Variants in MRPS27 observed in about 807,000 individuals in gnomAD.
MRPS27 encodes small ribosomal subunit protein mS27.
A neutral mutation model predicts 48.9 loss-of-function variants in MRPS27; 43 were observed. The ratio of observed to expected loss-of-function variants is 0.88; its 90% CI spans 0.69 to 1.13. The LOEUF (loss-of-function observed/expected upper bound fraction) is 1.13. Among genes scored for constraint, MRPS27 ranks in the 50% most tolerant of loss-of-function variants. MRPS27 has a pLI of 0.00. For synonymous variants in MRPS27, 188 were observed against 171.9 expected (o/e 1.09, Z -0.73); for missense variants, 467 against 476.3 (o/e 0.98, Z 0.18).
chr5:72,242,665 TACACACACACACACACACACACAC>T lies in MRPS27; in HGVS notation c.282-4561_282-4538del, dbSNP rs57589095. On this transcript the variant is annotated intron_variant, in intron 4 of 10. Transcript: ENST00000261413. ...CTAGGCAACACAGCGAGACCCCGTC[TACACACACACACACACACACACAC>T]ACACACACACACACACACTCACGGC... 6.7e-5 allele frequency among the ~76,000 whole-genome samples: 9 copies of T among 134,202 alleles called. No individual in the cohort carries two copies. In the South Asian group the frequency reaches 1.6e-3, roughly 24 times the overall value. 88.0% of individuals were successfully genotyped at this position (134,202 alleles called of 152,430 possible). A position where few individuals can be genotyped will look rare whatever the true frequency, so the allele number is the denominator to read the frequency against.
chr5:72,264,619 A>G lies in MRPS27; in HGVS notation c.282-26491T>C, dbSNP rs922879340. 5.3e-5 allele frequency among the ~76,000 whole-genome samples: 8 copies of G among 152,350 alleles called. No individual in the cohort carries two copies. The East Asian group carries it at 1.5e-3, about 29-fold the overall frequency. ...ACATCCTTAGAGGAAGAGAAGAGGC[A>G]CACACATGTGCACACAGAGGGAGAG... On this transcript the variant is annotated intron_variant, in intron 4 of 10. Coordinates refer to ENST00000261413, the MANE Select transcript of MRPS27 (RefSeq NM_015084.3).
chr5:72,237,553 A>C (rs886881722), intron 5 of MRPS27, among the ~76,000 whole-genome samples: 1 of 152,184 alleles, frequency 6.6e-6, no homozygotes, highest in Non-Finnish European at 1.5e-5. Flanking sequence ...TATTTACTGC[A>C]TACAGTGGAA....
chr5:72,303,882 C>CAAAAAAAAAAAA (rs397818748), intron 2 of MRPS27, among the ~76,000 whole-genome samples: 1 of 69,162 alleles, frequency 1.4e-5, no homozygotes, highest in African/African-American at 6.1e-5. Context: ...GACCTCATCT[C>CAAAAAAAAAAAA]AAAAAAAAAA....
intron 4 of MRPS27, among the ~76,000 whole-genome samples, chr5:72,290,000 T>C (rs1749778297): frequency 6.6e-6 from 1 of 152,242 alleles, no homozygotes. Flanking sequence ...GGCTTGAGTT[T>C]GCATTTTAGC....
intron 4 of MRPS27, among the ~76,000 whole-genome samples, chr5:72,251,360 G>C (rs1748659665): frequency 6.6e-6 from 1 of 152,180 alleles, no homozygotes; most frequent in Admixed American, 6.5e-5. Flanking sequence ...AAGCCAACCA[G>C]CAAAGTTTTG....
chr5:72,251,385 G>C (rs551044528), intron 4 of MRPS27, among the ~76,000 whole-genome samples: 2 of 152,312 alleles, frequency 1.3e-5, no homozygotes, highest in South Asian at 4.1e-4. Context: ...TCAGGCTGAT[G>C]ACTGGTGGCA....
intron 4 of MRPS27, among the ~76,000 whole-genome samples, chr5:72,280,414 T>A (rs193042347): frequency 8.2e-4 from 125 of 152,040 alleles, no homozygotes; most frequent in Non-Finnish European, 1.1e-3. Flanking sequence ...GTATTTTTTT[T>A]AAAAAAAGAA....
intron 4 of MRPS27, among the ~76,000 whole-genome samples, chr5:72,266,759 C>A (rs1052567048): frequency 2.2e-4 from 34 of 152,030 alleles, no homozygotes; most frequent in African/African-American, 7.5e-4. Context: ...ACTCGGGAGG[C>A]TGAGGCAGAA....
intron 2 of MRPS27, among the ~76,000 whole-genome samples, chr5:72,311,275 C>T (rs1295404697): frequency 6.6e-6 from 1 of 151,852 alleles, no homozygotes; most frequent in Non-Finnish European, 1.5e-5. Context: ...GGATAAAGAG[C>T]TATAATATAT....
chr5:72,238,426 C>T (rs763055077), intron 4 of MRPS27, among the ~76,000 whole-genome samples: 11 of 152,172 alleles, frequency 7.2e-5, no homozygotes, highest in Admixed American at 1.3e-4. Context: ...AAATACTCTA[C>T]TAATCATGGC....
intron 4 of MRPS27, chr5:72,241,508 G>A (rs943087543): frequency 7.9e-6 from 6 of 760,542 alleles, no homozygotes; most frequent in East Asian, 5.5e-5. Flanking sequence ...CTGGGCCAGC[G>A]GGGTTCAATT....
At chr5:72,286,255 C>T (rs73127290) in intron 4 of MRPS27, among the ~76,000 whole-genome samples, 1,660 of 151,916 alleles carry the variant, frequency 0.011, 28 homozygotes, top group African/African-American at 0.038. Context: ...AAAATTGATA[C>T]GGAATGGAAA....
intron 8 of MRPS27, 101 bp from the exon 9 acceptor site, chr5:72,226,300 T>A: frequency 7.5e-7 from 1 of 1,337,618 alleles, no homozygotes; most frequent in Non-Finnish European, 1.1e-6. Flanking sequence ...CTGGCAGCAC[T>A]AGAAATAGAG....
rs761551791 is a variant in MRPS27 at position 72,266,935 on chromosome 5, G to A, written c.281+28596C>T. Among the ~76,000 whole-genome samples, 102 of 152,206 alleles carry A rather than the reference G, an allele frequency of 6.7e-4. 1 individual carries two copies. Among genetic ancestry groups the A allele is most frequent in the Non-Finnish European group, 1.4e-3 (94 of 68,010 alleles). On this transcript the variant is annotated intron_variant, in intron 4 of 10. Transcript: ENST00000261413. Reference sequence around the variant, plus strand: ...AATCTTTTCTCACAGTAGAAAATATGCTGAATTTTATGGCTGCAGAGTCCC... The same window carrying A: ...AATCTTTTCTCACAGTAGAAAATATACTGAATTTTATGGCTGCAGAGTCCC...
intron 4 of MRPS27, among the ~76,000 whole-genome samples, chr5:72,242,526 G>T (rs1002192935): frequency 6.7e-6 from 1 of 150,210 alleles, no homozygotes; most frequent in Non-Finnish European, 1.5e-5. Context: ...GACCAATTTC[G>T]TCATTTAATT....
chr5:72,266,730 C>G (rs187080794), intron 4 of MRPS27, among the ~76,000 whole-genome samples: 1 of 151,982 alleles, frequency 6.6e-6, no homozygotes, highest in African/African-American at 2.4e-5. Flanking sequence ...TGTGGTGGCA[C>G]GTGCCTGTAG....
At chr5:72,319,537 CTTTTTTTTTTTTT>C (rs35020848) in intron 1 of MRPS27, among the ~76,000 whole-genome samples, 2 of 84,218 alleles carry the variant, frequency 2.4e-5, no homozygotes, top group South Asian at 4.1e-4. Flanking sequence ...TAGGTTTTTC[CTTTTTTTTTTTTT>C]TTTTTTTTTT....
At position 72,241,835 on chromosome 5, in the gene MRPS27, G is replaced by T. The variant is rs528194935; in HGVS notation, c.282-3707C>A. On this transcript the variant is annotated intron_variant, in intron 4 of 10. Transcript: ENST00000261413. Reference sequence around the variant, plus strand: ...GCCACTGTAGGAGTCCCCTCTGTGCGCCTATGCCATCAGCTGTTTGCTCAC... The same window carrying T: ...GCCACTGTAGGAGTCCCCTCTGTGCTCCTATGCCATCAGCTGTTTGCTCAC... 5.8e-6 allele frequency: 4 copies of T among 686,944 alleles called. No individual in the cohort carries two copies. In the Admixed American group the frequency reaches 7.5e-5, roughly 13 times the overall value. The allele number at this position is 686,944 out of a possible 1,614,324, so 42.6% of individuals were successfully genotyped here.
chr5:72,258,847 T>G lies in MRPS27; in HGVS notation c.282-20719A>C, dbSNP rs777511659. ...GCACAAAATAGACTATGACAGTAGA[T>G]AATAAAATAGCTTAGCTATAGTTGA... On this transcript the variant is annotated intron_variant, in intron 4 of 10. Transcript: ENST00000261413. Among the ~76,000 whole-genome samples, 8 of 152,278 alleles carry G rather than the reference T, an allele frequency of 5.3e-5. 1 individual carries two copies. In the South Asian group the frequency reaches 1.7e-3, roughly 32 times the overall value.
Sources: allele counts gnomAD v4.1 joint callset (sites outside exome capture counted in the v4.1 genomes callset), GRCh38; gene constraint gnomAD v4.1.1; transcripts MANE v1.5; gene names NCBI Gene and HGNC (gene_info 2026-07-23, HGNC 2026-07-21).